The following PDIA5 variants were observed in gnomAD, a reference collection of about 807,000 sequenced individuals.
PDIA5 encodes the protein protein disulfide-isomerase A5.
In PDIA5, 58 loss-of-function variants were observed where a neutral mutation model predicts 77.6. The observed-to-expected ratio is 0.75, with a 90% CI of 0.61 to 0.93. The LOEUF is 0.93. PDIA5 is among the 40% of genes least tolerant of loss of function. The pLI is 0.00. For synonymous variants in PDIA5, 250 were observed against 252.1 expected, an observed-to-expected ratio of 0.99 and a Z score of 0.08; for missense variants, 630 against 647.7, an observed-to-expected ratio of 0.97 and a Z score of 0.30.
intron 2 of PDIA5, among the ~76,000 whole-genome samples, chr3:123,090,121 A>G (rs1934245582): frequency 6.6e-6 from 1 of 152,164 alleles, no homozygotes; most frequent in Non-Finnish European, 1.5e-5. Flanking sequence ...GGGGGATGAT[A>G]GAGGCTCCAG....
At chr3:123,101,160 A>G (rs768858785) in intron 3 of PDIA5, among the ~76,000 whole-genome samples, 10 of 152,214 alleles carry the variant, frequency 6.6e-5, no homozygotes, top group Non-Finnish European at 1.0e-4. Context: ...GGAGAAGAAC[A>G]TGAGCCAGTG....
chr3:123,151,919 T>TCCTTCCTTCCTG (rs1935915552), intron 14 of PDIA5, among the ~76,000 whole-genome samples: 1 of 120,456 alleles, frequency 8.3e-6, no homozygotes, highest in African/African-American at 3.8e-5. Flanking sequence ...CTTCCTGCCT[T>TCCTTCCTTCCTG]CCTTCCTTCC....
rs764148352 is a variant in PDIA5 at position 123,089,203 on chromosome 3, C to G, written c.78C>G (p.Val26=). ...VLPSWLSSAK[V]SSLIERISDP... ...CATCATGGCTGTCCTCTGCAAAGGTCTCCTCGCTCATTGAGAGAATCTCTG... is the reference window on the plus strand; with the variant it reads ...CATCATGGCTGTCCTCTGCAAAGGTGTCCTCGCTCATTGAGAGAATCTCTG... Residue 26 remains valine (V), a synonymous_variant, in exon 2 of 17, where the codon GTC becomes GTG. Transcript: ENST00000316218. 3 of 1,613,850 alleles carry G rather than the reference C, an allele frequency of 1.9e-6. No homozygotes were observed. Among genetic ancestry groups the G allele is most frequent in the African/African-American group, 2.7e-5 (2 of 74,934 alleles).
intron 15 of PDIA5, 127 bp downstream of exon 15, chr3:123,155,168 G>T: frequency 2.8e-6 from 2 of 706,448 alleles, no homozygotes; most frequent in South Asian, 1.6e-5. Flanking sequence ...AATTCCTTGG[G>T]AACCAGGACA....
chr3:123,096,763 G>A lies in PDIA5; in HGVS notation c.257+4321G>A, dbSNP rs536382091. On this transcript the variant is annotated intron_variant, in intron 3 of 16. Transcript: ENST00000316218. ...TCTTGGCTCAGACCTCAACAGCCACGCTCAGTCTGGCTGGTGATGGTTGTC... is the reference window on the plus strand; with the variant it reads ...TCTTGGCTCAGACCTCAACAGCCACACTCAGTCTGGCTGGTGATGGTTGTC... Among the ~76,000 whole-genome samples the A allele has an allele frequency of 9.8e-5, 15 of 152,298 alleles. No individual in the cohort carries two copies. The South Asian group carries it at 1.2e-3, about 13-fold the overall frequency.
chr3:123,104,466 G>A lies in PDIA5; in HGVS notation c.387+1670G>A, dbSNP rs147486105. Among the ~76,000 whole-genome samples, 927 of 152,300 alleles carry A rather than the reference G, an allele frequency of 6.1e-3. 2 individuals are homozygous for A. Among genetic ancestry groups the A allele is most frequent in the Middle Eastern group, 0.014 (4 of 294 alleles). On this transcript the variant is annotated intron_variant, in intron 5 of 16. Coordinates refer to ENST00000316218, the MANE Select transcript of PDIA5 (RefSeq NM_006810.4). ...ACTCCAGAGAGATGGAGGACCCCCCGACAGGAGGGGCCCATCACCTGCAGG... is the reference window on the plus strand; with the variant it reads ...ACTCCAGAGAGATGGAGGACCCCCCAACAGGAGGGGCCCATCACCTGCAGG...
chr3:123,127,116 T>G (rs923957422), intron 10 of PDIA5, among the ~76,000 whole-genome samples: 2 of 152,232 alleles, frequency 1.3e-5, no homozygotes, highest in African/African-American at 4.8e-5. Context: ...CCAAGTTTTC[T>G]GGACTCGTAA....
At chr3:123,139,835 G>A (rs1935583150) in intron 11 of PDIA5, among the ~76,000 whole-genome samples, 1 of 152,146 alleles carries the variant, frequency 6.6e-6, no homozygotes, top group South Asian at 2.1e-4. Flanking sequence ...GTGTGGAGCA[G>A]CGTGGTCAGT....
At chr3:123,156,593 G>C (rs548608253) in intron 15 of PDIA5, among the ~76,000 whole-genome samples, 8 of 152,284 alleles carry the variant, frequency 5.3e-5, no homozygotes, top group South Asian at 2.1e-4. Flanking sequence ...CGTCCATCAC[G>C]TGCCACCCAG....
Position 123,067,375 on chromosome 3 carries a change from C to A in PDIA5, c.42+169C>A, listed in dbSNP as rs894804463. The stretch of plus-strand genomic sequence containing the variant: ...GCACTGGGTGCTACGCGGGAGACAG[C>A]GGGCGTCCCGGTGCCCTCGCCGCCA... On this transcript the variant is annotated intron_variant, in intron 1 of 16. Coordinates refer to ENST00000316218, the MANE Select transcript of PDIA5 (RefSeq NM_006810.4). 7 of 561,800 alleles carry A rather than the reference C, an allele frequency of 1.2e-5. No individual in the cohort carries two copies. In the East Asian group the frequency reaches 1.7e-4, roughly 14 times the overall value. 34.8% of individuals were successfully genotyped at this position (561,800 alleles called of 1,614,324 possible). A position where few individuals can be genotyped will look rare whatever the true frequency, so the allele number is the denominator to read the frequency against.
Position 123,161,456 on chromosome 3 carries a change from G to A in PDIA5, c.1479+1G>A. On this transcript the variant is annotated splice_donor_variant, in intron 16 of 16. Coordinates refer to ENST00000316218, the MANE Select transcript of PDIA5 (RefSeq NM_006810.4). LOFTEE classifies it high-confidence loss of function. The stretch of plus-strand genomic sequence containing the variant: ...AGAAAAGTATGACAGCGACCGCACA[G>A]TAAGTGGGGGAGAGGCGTCTGCCCA... The A allele has an allele frequency of 6.2e-7, 1 of 1,613,434 alleles. No homozygotes were observed. Among genetic ancestry groups the A allele is most frequent in the Non-Finnish European group, 8.5e-7 (1 of 1,179,746 alleles).
At chr3:123,147,217 T>C (rs1935793788) in intron 13 of PDIA5, among the ~76,000 whole-genome samples, 1 of 152,294 alleles carries the variant, frequency 6.6e-6, no homozygotes. Flanking sequence ...TGACTTCCCA[T>C]GGCCACCCCT....
At chr3:123,134,008 TCTTTTCTTTTC>T (rs1188892041) in intron 11 of PDIA5, among the ~76,000 whole-genome samples, 1 of 151,464 alleles carries the variant, frequency 6.6e-6, no homozygotes, top group African/African-American at 2.4e-5. Flanking sequence ...CTTTTCCTTT[TCTTTTCTTTTC>T]CTTTTCTTTT....
chr3:123,100,269 G>A (rs1394363511), intron 3 of PDIA5, among the ~76,000 whole-genome samples: 2 of 152,242 alleles, frequency 1.3e-5, no homozygotes, highest in Non-Finnish European at 2.9e-5. Flanking sequence ...ACCTGTCCAT[G>A]CAGCTTCACC....
At chr3:123,109,209 A>G (rs1934809303) in intron 6 of PDIA5, among the ~76,000 whole-genome samples, 1 of 152,214 alleles carries the variant, frequency 6.6e-6, no homozygotes, top group South Asian at 2.1e-4. Context: ...CTGCTAATAG[A>G]ATGTCCACAT....
intron 11 of PDIA5, among the ~76,000 whole-genome samples, chr3:123,143,221 TA>T (rs1935683076): frequency 6.6e-6 from 1 of 151,618 alleles, no homozygotes; most frequent in Admixed American, 6.6e-5. Flanking sequence ...CCATCTCTAC[TA>T]AAAATACAAA....
chr3:123,082,430 C>T (rs1398711293), intron 1 of PDIA5, among the ~76,000 whole-genome samples: 1 of 151,994 alleles, frequency 6.6e-6, no homozygotes, highest in Non-Finnish European at 1.5e-5. Flanking sequence ...GAGTACCTAC[C>T]CACTGGGGTA....
chr3:123,079,999 G>A (rs982745728), intron 1 of PDIA5, among the ~76,000 whole-genome samples: 5 of 152,178 alleles, frequency 3.3e-5, no homozygotes, highest in African/African-American at 1.2e-4. Context: ...CTGAAACAGA[G>A]CATTGGGAAG....
intron 6 of PDIA5, among the ~76,000 whole-genome samples, chr3:123,110,315 ACCT>A (rs1313973935): frequency 2.6e-5 from 4 of 152,076 alleles, no homozygotes; most frequent in Non-Finnish European, 5.9e-5. Flanking sequence ...TTTGCCTGTA[ACCT>A]CCTGGAGGGT....
Sources: gnomAD v4.1 joint callset for allele counts (sites outside exome capture counted in the v4.1 genomes callset) on GRCh38, gnomAD v4.1.1 for gene constraint, MANE v1.5 for transcripts, NCBI Gene and HGNC (gene_info 2026-07-23, HGNC 2026-07-21) for gene names.